Variants in CEP350 observed in about 807,000 individuals in gnomAD.
CEP350 encodes centrosomal protein 350, also known as centrosome-associated protein 350.
A neutral mutation model predicts 331.8 loss-of-function variants in CEP350; 126 were observed. The observed-to-expected ratio is 0.38, with a 90% confidence interval of 0.33 to 0.44. CEP350 has a LOEUF of 0.44. CEP350 is among the 20% of genes least tolerant of loss of function. The pLI, the probability that CEP350 is intolerant of heterozygous loss-of-function variation, is 1.00. For missense variants in CEP350, 3,406 were observed against 3,634.6 expected, an observed-to-expected ratio of 0.94 and a Z score of 1.62; for synonymous variants, 1,200 against 1,259.5, an observed-to-expected ratio of 0.95 and a Z score of 1.00.
intron 34 of CEP350, among the ~76,000 whole-genome samples, 169 bp downstream of exon 34, chr1:180,094,785 G>A (rs983969992): frequency 2.6e-5 from 4 of 152,106 alleles, no homozygotes; most frequent in Admixed American, 2.0e-4. Context: ...TAAAGGCCTT[G>A]TAGCTGTTTT....
chr1:180,059,103 C>A (rs1203256696), intron 25 of CEP350, among the ~76,000 whole-genome samples: 2 of 152,114 alleles, frequency 1.3e-5, no homozygotes, highest in African/African-American at 4.8e-5. Context: ...CCCAAGTATT[C>A]CTTAGAAGTT....
At position 180,043,045 on chromosome 1, in the gene CEP350, T is replaced by C. The variant is rs1334865851; in HGVS notation, c.4363-11T>C. ...AATACATTTGCCTTTCTTGTGTGTG[T>C]TCATGTTTAGATGGCAGAGTTGACT... On this transcript the variant is annotated splice_polypyrimidine_tract_variant and intron_variant, in intron 19 of 37. Transcript: ENST00000367607. 3 of 1,609,670 alleles carry C rather than the reference T, an allele frequency of 1.9e-6. No individual in the cohort carries two copies. The African/African-American group carries it at 4.0e-5, about 22-fold the overall frequency.
intron 14 of CEP350, among the ~76,000 whole-genome samples, chr1:180,030,117 A>G (rs1025503410): frequency 6.6e-6 from 1 of 151,806 alleles, no homozygotes; most frequent in African/African-American, 2.4e-5. Context: ...TAATACTGCT[A>G]TGAATACGAG....
intron 3 of CEP350, among the ~76,000 whole-genome samples, chr1:179,988,163 G>A (rs992300842): frequency 1.3e-5 from 2 of 151,984 alleles, no homozygotes; most frequent in African/African-American, 4.8e-5. Context: ...TGGGTGTGGT[G>A]GCATGTGCCT....
In CEP350 at chr1:180,093,554, T is replaced by A; in HGVS notation, c.7449T>A (p.Pro2483=). The A allele has an allele frequency of 3.1e-6, 5 of 1,613,666 alleles. No individual in the cohort carries two copies. The highest frequency in any genetic ancestry group is 4.2e-6 in the Non-Finnish European group (5 of 1,179,582). Reference sequence around the variant, plus strand: ...ATGAACAGCAAGTTACTGAATCCCCTTCCTTGGCTTCAGTTCCTACTGCAG... The same window carrying A: ...ATGAACAGCAAGTTACTGAATCCCCATCCTTGGCTTCAGTTCCTACTGCAG... ...VEHEQQVTES[P]SLASVPTADE... The change falls in exon 34 of 38, where the codon CCT becomes CCA. Residue 2483 remains proline (P), a synonymous_variant. Coordinates refer to ENST00000367607, the MANE Select transcript of CEP350 (RefSeq NM_014810.5).
chr1:180,051,529 T>C (rs1249508797), intron 22 of CEP350, among the ~76,000 whole-genome samples: 1 of 152,218 alleles, frequency 6.6e-6, no homozygotes, highest in Non-Finnish European at 1.5e-5. Context: ...TTGTTCTGTG[T>C]GTATGTATGT....
intron 14 of CEP350, among the ~76,000 whole-genome samples, chr1:180,029,339 C>T (rs138582125): frequency 6.6e-6 from 1 of 152,212 alleles, no homozygotes; most frequent in African/African-American, 2.4e-5. Flanking sequence ...TTATTGTCAA[C>T]AAACAATATT....
In CEP350 at chr1:180,012,059, A is replaced by G; in HGVS notation, c.1377A>G (p.Glu459=). The change falls in exon 9 of 38, where the codon GAA becomes GAG. Residue 459 remains glutamate, a synonymous_variant. Coordinates refer to ENST00000367607, the MANE Select transcript of CEP350 (RefSeq NM_014810.5). The stretch of plus-strand genomic sequence containing the variant: ...CATCAAGTGACAGAGGTGGAAGAGA[A>G]AGAACTGCTAAATCTGGTAAGTAGC... ...RTASSDRGGR[E]RTAKSGGHIG... 6.4e-7 allele frequency: 1 copy of G among 1,559,040 alleles called. No individual in the cohort carries two copies. Among genetic ancestry groups the G allele is most frequent in the South Asian group, 1.2e-5 (1 of 83,296 alleles).
At chr1:180,069,805 T>G (rs984300598) in intron 27 of CEP350, among the ~76,000 whole-genome samples, 1 of 152,200 alleles carries the variant, frequency 6.6e-6, no homozygotes, top group Non-Finnish European at 1.5e-5. Context: ...ATGTTCCATT[T>G]TTAATTATAA....
chr1:180,031,538 T>C (rs564584426), intron 15 of CEP350, 44 bp downstream of exon 15: 1 of 938,948 alleles, frequency 1.1e-6, no homozygotes, highest in East Asian at 3.3e-5. Flanking sequence ...ATTAAAGATA[T>C]ATAATTGATA....
chr1:179,997,510 T>TC (rs1653542939), intron 6 of CEP350, among the ~76,000 whole-genome samples: 1 of 144,196 alleles, frequency 6.9e-6, no homozygotes, highest in South Asian at 2.2e-4. Context: ...ACCACTGCAC[T>TC]CCAGCATGGG....
At chr1:179,961,679 G>T (rs111929094) in intron 1 of CEP350, among the ~76,000 whole-genome samples, 1,566 of 152,228 alleles carry the variant, frequency 0.01, 29 homozygotes, top group African/African-American at 0.034. Context: ...AATGAAGTTA[G>T]ACTACGCTTT....
intron 20 of CEP350, among the ~76,000 whole-genome samples, chr1:180,043,833 A>G (rs1467025041): frequency 6.6e-6 from 1 of 151,234 alleles, no homozygotes; most frequent in African/African-American, 2.4e-5. Context: ...GACTGTCTCT[A>G]ATTCATAGAT....
chr1:179,966,167 A>G (rs1650997053), intron 1 of CEP350, among the ~76,000 whole-genome samples: 1 of 152,094 alleles, frequency 6.6e-6, no homozygotes, highest in South Asian at 2.1e-4. Context: ...AGCAGATTTA[A>G]TTTTTCTTAA....
intron 10 of CEP350, 45 bp downstream of exon 10, chr1:180,014,550 A>T: frequency 2.0e-6 from 3 of 1,505,768 alleles, no homozygotes; most frequent in Non-Finnish European, 2.7e-6. Flanking sequence ...CATGGTTAGG[A>T]AATGCTTATT....
rs201856627 is a variant in CEP350 at position 180,020,088 on chromosome 1, C to T, written c.2314C>T (p.His772Tyr). 1.9e-6 allele frequency: 3 copies of T among 1,613,974 alleles called. No individual in the cohort carries two copies. The highest frequency in any genetic ancestry group is 2.2e-5 in the East Asian group (1 of 44,876). The change falls in exon 12 of 38, where the codon CAT becomes TAT. Residue 772 changes from histidine (H) to tyrosine (Y), a missense_variant. This residue lies in a region of CEP350 where 1,857 missense variants were observed against 1,909.2 expected (regional missense o/e 0.97). Coordinates refer to ENST00000367607, the MANE Select transcript of CEP350 (RefSeq NM_014810.5). ...LLSLEHVGIL[H>Y]KDFESILPTR... ...GAGTTTAGAGCATGTAGGAATTTTG[C>T]ATAAGGATTTTGAATCTATTTTACC...
Position 180,019,948 on chromosome 1 carries a change from GAA to G in CEP350, c.2177_2178del (p.Lys726ArgfsTer11). The G allele has an allele frequency of 6.4e-7, 1 of 1,565,070 alleles. No individual in the cohort carries two copies. Among genetic ancestry groups the G allele is most frequent in the Non-Finnish European group, 8.6e-7 (1 of 1,160,410 alleles). ...TAACATATTGTGACTTTCATTTCCA[GAA>G]AAGACTTGATGGAATCTACATGGAT... On this transcript the variant is annotated frameshift_variant and splice_region_variant, in exon 12 of 38. Coordinates refer to ENST00000367607, the MANE Select transcript of CEP350 (RefSeq NM_014810.5). LOFTEE classifies it high-confidence loss of function.
At chr1:180,024,818 C>A (rs1182424411) in intron 14 of CEP350, among the ~76,000 whole-genome samples, 14 of 151,886 alleles carry the variant, frequency 9.2e-5, no homozygotes, top group Non-Finnish European at 1.6e-4. Context: ...GAGATAAACA[C>A]TCTTCAAAGA....
At chr1:180,005,098 A>G (rs944175505) in intron 7 of CEP350, among the ~76,000 whole-genome samples, 4 of 142,464 alleles carry the variant, frequency 2.8e-5, no homozygotes, top group Non-Finnish European at 6.0e-5. Flanking sequence ...CAGCTTATCT[A>G]TCTGCACACA....
Sources: allele counts gnomAD v4.1 joint callset (sites outside exome capture counted in the v4.1 genomes callset), GRCh38; gene constraint gnomAD v4.1.1; regional missense constraint gnomAD v4.1.1; transcripts MANE v1.5; gene names NCBI Gene and HGNC (gene_info 2026-07-23, HGNC 2026-07-21).